The following SNX7 variants were observed in gnomAD, a reference collection of about 807,000 sequenced individuals.
SNX7 encodes sorting nexin-7.
SNX7 carries 35 observed loss-of-function variants against 48.4 expected under a neutral mutation model. That is an observed-to-expected ratio of 0.72 (90% CI 0.55 to 0.96). SNX7 has a LOEUF of 0.96. SNX7 is among the 40% of genes least tolerant of loss of function. The pLI, the probability that SNX7 is intolerant of heterozygous loss-of-function variation, is 0.00. For missense variants in SNX7, 553 were observed against 548.9 expected (o/e 1.01, Z -0.07); for synonymous variants, 190 against 190.2 (o/e 1.00, Z 0.01).
At chr1:98,728,761 T>C (rs1478543350) in intron 7 of SNX7, among the ~76,000 whole-genome samples, 2 of 152,156 alleles carry the variant, frequency 1.3e-5, no homozygotes, top group African/African-American at 2.4e-5. Context: ...TAGATACATA[T>C]GCACCAAATA....
chr1:98,730,794 A>ATCTATGAGTATG (rs1399793269), intron 7 of SNX7, among the ~76,000 whole-genome samples: 1 of 152,184 alleles, frequency 6.6e-6, no homozygotes, highest in African/African-American at 2.4e-5. Flanking sequence ...CATAGGTAGA[A>ATCTATGAGTATG]AGAATCAGTA....
chr1:98,687,442 A>G (rs941405432), intron 2 of SNX7, among the ~76,000 whole-genome samples: 1 of 152,090 alleles, frequency 6.6e-6, no homozygotes, highest in Admixed American at 6.6e-5. Context: ...TATATTACAG[A>G]TACAAATATA....
intron 2 of SNX7, among the ~76,000 whole-genome samples, chr1:98,685,563 C>G (rs1007914032): frequency 1.3e-5 from 2 of 152,094 alleles, no homozygotes; most frequent in Non-Finnish European, 2.9e-5. Flanking sequence ...GAACACAGAT[C>G]TCTTTAATCG....
chr1:98,749,625 G>A lies in SNX7; in HGVS notation c.1279-10429G>A, dbSNP rs1301160464. On this transcript the variant is annotated intron_variant, in intron 8 of 8. Coordinates refer to ENST00000306121, the MANE Select transcript of SNX7 (RefSeq NM_015976.5). ...AAATAATAGAAGTTGTTTTTCTCTG[G>A]CAATATCAACTCTAATTTCCAGATT... is the stretch of plus-strand genomic sequence containing the variant. 2.0e-5 allele frequency among the ~76,000 whole-genome samples: 3 copies of A among 151,908 alleles called. No individual in the cohort carries two copies. The East Asian group carries it at 5.8e-4, about 29-fold the overall frequency.
chr1:98,669,408 C>T (rs190641353), intron 1 of SNX7, among the ~76,000 whole-genome samples: 259 of 152,302 alleles, frequency 1.7e-3, no homozygotes, highest in African/African-American at 5.5e-3. Context: ...GTGTTCCCAG[C>T]AAATCAGTGT....
intron 7 of SNX7, among the ~76,000 whole-genome samples, chr1:98,736,641 A>G (rs183375162): frequency 6.6e-6 from 1 of 152,302 alleles, no homozygotes; most frequent in East Asian, 1.9e-4. Flanking sequence ...CACAGACATG[A>G]AAGTCAGCCT....
intron 7 of SNX7, among the ~76,000 whole-genome samples, chr1:98,717,010 TA>T (rs199646574): frequency 0.16 from 23,456 of 148,234 alleles, 1,884 homozygotes; most frequent in South Asian, 0.19. Context: ...TTATCTTCTT[TA>T]AAAAAAAAAA....
At position 98,662,126 on chromosome 1, in the gene SNX7, C is replaced by G. The variant is rs1407467162; in HGVS notation, c.180+215C>G. ...CGGGGCCTCAAACCGCAGCCGCTCC[C>G]TCCTCCGCACTTTGACCTTCCGTTC... On this transcript the variant is annotated intron_variant, in intron 1 of 8. Transcript: ENST00000306121. The G allele has an allele frequency of 2.5e-5, 10 of 397,204 alleles. No individual in the cohort carries two copies. The East Asian group carries it at 3.7e-4, about 15-fold the overall frequency. The allele number at this position is 397,204 out of a possible 1,614,324, so 24.6% of individuals were successfully genotyped here. A position where few individuals can be genotyped will look rare whatever the true frequency, so the allele number is the denominator to read the frequency against.
Position 98,684,917 on chromosome 1 carries a change from C to T in SNX7, c.213C>T (p.Ser71=), listed in dbSNP as rs144692027. Residue 71 remains serine (S), a synonymous_variant, in exon 2 of 9, where the codon AGC becomes AGT. Coordinates refer to ENST00000306121, the MANE Select transcript of SNX7 (RefSeq NM_015976.5). ...CATTGATGGACATGAACTCCTTCAG[C>T]CCTATGATGCCAACATCCCCTTTAT... is the stretch of plus-strand genomic sequence containing the variant. The part of the protein sequence containing the change: ...DASLMDMNSF[S]PMMPTSPLSM... 1.8e-4 allele frequency: 287 copies of T among 1,576,866 alleles called. No homozygotes were observed. The African/African-American group carries it at 3.1e-3, about 17-fold the overall frequency.
At chr1:98,745,310 C>A (rs1487296468) in intron 8 of SNX7, among the ~76,000 whole-genome samples, 1 of 151,982 alleles carries the variant, frequency 6.6e-6, no homozygotes, top group South Asian at 2.1e-4. Flanking sequence ...AAGTTAAATT[C>A]TCTTTCCTTA....
At position 98,757,787 on chromosome 1, in the gene SNX7, T is replaced by C. The variant is rs138708739; in HGVS notation, c.1279-2267T>C. ...AAAAGAGCCTTTCCAGTCCCTGTTA[T>C]ACCCTCTGGGTCAGCAACAGAAGTC... On this transcript the variant is annotated intron_variant, in intron 8 of 8. Coordinates refer to ENST00000306121, the MANE Select transcript of SNX7 (RefSeq NM_015976.5). Among the ~76,000 whole-genome samples the C allele has an allele frequency of 1.8e-3, 281 of 152,194 alleles. 2 individuals carry two copies. The highest frequency in any genetic ancestry group is 1.4e-3 in the Non-Finnish European group (97 of 67,976).
At chr1:98,759,082 T>A (rs1005872612) in intron 8 of SNX7, among the ~76,000 whole-genome samples, 1 of 152,024 alleles carries the variant, frequency 6.6e-6, no homozygotes, top group African/African-American at 2.4e-5. Flanking sequence ...ATAGACACTT[T>A]AAAGCTGTGA....
rs1386172048 is a variant in SNX7 at position 98,669,786 on chromosome 1, A to T, written c.180+7875A>T. Among the ~76,000 whole-genome samples the T allele has an allele frequency of 2.0e-5, 3 of 152,226 alleles. 1 individual carries two copies. The East Asian group carries it at 5.8e-4, about 29-fold the overall frequency. ...TCATCATCCCTAAGAACCTTCTTCA[A>T]TCCTCAGCTGGAATTAATTTTTTCC... On this transcript the variant is annotated intron_variant, in intron 1 of 8. Coordinates refer to ENST00000306121, the MANE Select transcript of SNX7 (RefSeq NM_015976.5).
At chr1:98,726,201 C>T (rs1653156729) in intron 7 of SNX7, among the ~76,000 whole-genome samples, 1 of 152,138 alleles carries the variant, frequency 6.6e-6, no homozygotes. Context: ...GACTTCAGAG[C>T]CCAGACTTTA....
chr1:98,729,091 C>G (rs550825468), intron 7 of SNX7, among the ~76,000 whole-genome samples: 1 of 152,176 alleles, frequency 6.6e-6, no homozygotes, highest in Non-Finnish European at 1.5e-5. Context: ...TCATAACAGT[C>G]TCTCAGACCA....
At chr1:98,757,348 G>A (rs1905090) in intron 8 of SNX7, among the ~76,000 whole-genome samples, 5,859 of 152,058 alleles carry the variant, frequency 0.039, 241 homozygotes, top group East Asian at 0.19. Flanking sequence ...TAAGATCAAG[G>A]TGTCAGCAGG....
intron 7 of SNX7, among the ~76,000 whole-genome samples, chr1:98,735,288 G>C (rs964986979): frequency 6.6e-6 from 1 of 152,052 alleles, no homozygotes; most frequent in Non-Finnish European, 1.5e-5. Context: ...TTTGAATTAG[G>C]TGTTTTGTGC....
chr1:98,720,868 A>G (rs145600252), intron 7 of SNX7, among the ~76,000 whole-genome samples: 68 of 152,178 alleles, frequency 4.5e-4, no homozygotes, highest in East Asian at 3.7e-3. Context: ...ATCATTTCTC[A>G]TGGAAGTTTT....
At chr1:98,728,935 T>G (rs1653341009) in intron 7 of SNX7, among the ~76,000 whole-genome samples, 1 of 152,122 alleles carries the variant, frequency 6.6e-6, no homozygotes, top group South Asian at 2.1e-4. Flanking sequence ...CAGCTAGGGA[T>G]CAAGTGGACC....
Sources: gnomAD v4.1 joint callset for allele counts (sites outside exome capture counted in the v4.1 genomes callset) on GRCh38, gnomAD v4.1.1 for gene constraint, MANE v1.5 for transcripts, NCBI Gene and HGNC (gene_info 2026-07-23, HGNC 2026-07-21) for gene names.